Variants in STAC observed in about 807,000 individuals in gnomAD.
The protein encoded by STAC is SH3 and cysteine-rich domain-containing protein.
STAC carries 43 observed loss-of-function variants against 48.8 expected under a neutral mutation model. The observed-to-expected ratio is 0.88, with a 90% CI of 0.69 to 1.14. The LOEUF (loss-of-function observed/expected upper bound fraction) is 1.14. Among genes scored for constraint, STAC ranks in the 50% most tolerant of loss-of-function variants. STAC has a pLI of 0.00. For missense variants in STAC, 497 were observed against 504.0 expected, an observed-to-expected ratio of 0.99 and a Z score of 0.13; for synonymous variants, 193 against 179.5, an observed-to-expected ratio of 1.07 and a Z score of -0.60.
chr3:36,531,119 T>C (rs1325659790), intron 10 of STAC, among the ~76,000 whole-genome samples: 1 of 152,188 alleles, frequency 6.6e-6, no homozygotes, highest in Non-Finnish European at 1.5e-5. Flanking sequence ...ACTGGCACTT[T>C]CATAAATGCT....
At chr3:36,487,649 C>T (rs1697850060) in intron 5 of STAC, among the ~76,000 whole-genome samples, 2 of 151,962 alleles carry the variant, frequency 1.3e-5, no homozygotes, top group Non-Finnish European at 2.9e-5. Flanking sequence ...CATTGTTTAC[C>T]ATTTTTAAAA....
rs1179533187 is a variant in STAC, at chr3:36,505,802, T to C, written c.888T>C (p.Phe296=). ...ACACCTATGTTGCCTTGTACAAATT[T>C]GTACCACAGGAGAATGAAGATTTGG... is the stretch of plus-strand genomic sequence containing the variant. ...QMNTYVALYK[F]VPQENEDLEM... is the part of the protein sequence containing the mutation. The change falls in exon 8 of 11, where the codon TTT becomes TTC. Residue 296 remains phenylalanine, a synonymous_variant. Coordinates refer to ENST00000273183, the MANE Select transcript of STAC (RefSeq NM_003149.3). 1.9e-6 allele frequency: 3 copies of C among 1,608,664 alleles called. No individual in the cohort carries two copies. The highest frequency in any genetic ancestry group is 2.7e-5 in the African/African-American group (2 of 74,596).
intron 1 of STAC, among the ~76,000 whole-genome samples, chr3:36,415,758 C>G (rs76854612): frequency 6.6e-6 from 1 of 152,054 alleles, no homozygotes; most frequent in Non-Finnish European, 1.5e-5. Context: ...ATCTTGGAAC[C>G]GCCCTAGATA....
chr3:36,526,255 C>T (rs757616893), intron 8 of STAC, among the ~76,000 whole-genome samples: 1 of 152,096 alleles, frequency 6.6e-6, no homozygotes, highest in African/African-American at 2.4e-5. Context: ...ATTCACCCCC[C>T]CTCCCCATAT....
In STAC at chr3:36,505,905, G is replaced by T. The variant is rs549521996; in HGVS notation, c.920+71G>T. ...AGTATTTCTCCATGTGAAAAAGTAA[G>T]TCCATCTGTGCCCCTCCTAATGCTT... On this transcript the variant is annotated intron_variant, in intron 8 of 10. Coordinates refer to ENST00000273183, the MANE Select transcript of STAC (RefSeq NM_003149.3). 3.9e-5 allele frequency: 40 copies of T among 1,020,004 alleles called. No homozygotes were observed. In the South Asian group the frequency reaches 5.4e-4, roughly 14 times the overall value. The allele number at this position is 1,020,004 out of a possible 1,614,324, so 63.2% of individuals were successfully genotyped here.
chr3:36,478,638 G>A (rs1359785863), intron 2 of STAC, among the ~76,000 whole-genome samples: 1 of 152,156 alleles, frequency 6.6e-6, no homozygotes, highest in East Asian at 1.9e-4. Context: ...GGGACTACAG[G>A]CACACGTAAC....
At chr3:36,382,829 C>A (rs1048833086) in intron 1 of STAC, among the ~76,000 whole-genome samples, 22 of 152,162 alleles carry the variant, frequency 1.4e-4, no homozygotes, top group African/African-American at 5.1e-4. Context: ...TTACAAGGAT[C>A]TTTGACCCTG....
chr3:36,435,334 C>A (rs1261746433), intron 1 of STAC, among the ~76,000 whole-genome samples: 1 of 152,104 alleles, frequency 6.6e-6, no homozygotes, highest in African/African-American at 2.4e-5. Context: ...AAGCCACATC[C>A]AGCCAATACC....
intron 10 of STAC, among the ~76,000 whole-genome samples, chr3:36,534,525 T>C (rs573544855): frequency 3.1e-4 from 47 of 152,124 alleles, no homozygotes; most frequent in Admixed American, 1.3e-4. Flanking sequence ...GCAATGCACA[T>C]CTTTGATTAA....
chr3:36,443,358 T>C lies in STAC; in HGVS notation c.112-6T>C. 1 of 1,614,122 alleles carries C rather than the reference T, an allele frequency of 6.2e-7. No individual in the cohort carries two copies. Among genetic ancestry groups the C allele is most frequent in the African/African-American group, 1.3e-5 (1 of 75,058 alleles). On this transcript the variant is annotated splice_polypyrimidine_tract_variant and splice_region_variant and intron_variant, in intron 1 of 10. Transcript: ENST00000273183. The surrounding 1 kb of genome is among the most constrained non-coding windows in gnomAD (Gnocchi z 4.2). Reference sequence around the variant, plus strand: ...TAAGAGAGACTGTTCTGTCATTGCATTGCAGCTCCAGAAACTAAAACGATC... The same window carrying C: ...TAAGAGAGACTGTTCTGTCATTGCACTGCAGCTCCAGAAACTAAAACGATC...
intron 5 of STAC, among the ~76,000 whole-genome samples, chr3:36,492,031 A>AAAAAAATATATATATATATAT (rs1553639882): frequency 6.1e-5 from 1 of 16,438 alleles, no homozygotes; most frequent in Non-Finnish European, 1.2e-4. Context: ...AAAAAAAAAA[A>AAAAAAATATATATATATATAT]ATATATATAT....
At chr3:36,449,626 A>T (rs972465202) in intron 2 of STAC, among the ~76,000 whole-genome samples, 3 of 152,222 alleles carry the variant, frequency 2.0e-5, no homozygotes, top group African/African-American at 7.2e-5. Flanking sequence ...GCTGCCAAGT[A>T]CTGTGTATTT....
chr3:36,483,049 A>T lies in STAC; in HGVS notation c.446A>T (p.Lys149Met). 1 of 1,614,210 alleles carries T rather than the reference A, an allele frequency of 6.2e-7. No homozygotes were observed. ...CKACKMSIHHKCTDGLAPQRC... is the reference protein window; with the variant it reads ...CKACKMSIHHMCTDGLAPQRC... ...GCCTGTAAGATGAGCATCCACCACA[A>T]GTGCACAGATGGCCTGGCACCCCAG... The change falls in exon 3 of 11, where the codon AAG (lysine) becomes ATG (methionine). Residue 149 changes from lysine to methionine, a missense_variant. Lys to Met is a moderately conservative substitution (Grantham distance 95). Coordinates refer to ENST00000273183, the MANE Select transcript of STAC (RefSeq NM_003149.3).
chr3:36,476,923 G>GC (rs11401288), intron 2 of STAC, among the ~76,000 whole-genome samples: 18,047 of 152,168 alleles, frequency 0.12, 1,175 homozygotes, highest in Admixed American at 0.19. Context: ...TCCGAGCCAT[G>GC]CCCCTGTACT....
chr3:36,543,951 GTTTC>G (rs1460626896), intron 10 of STAC, among the ~76,000 whole-genome samples: 1 of 152,038 alleles, frequency 6.6e-6, no homozygotes, highest in African/African-American at 2.4e-5. Flanking sequence ...CATGGTTCAT[GTTTC>G]ACCTAGAACC....
At chr3:36,535,077 A>G (rs1314357214) in intron 10 of STAC, among the ~76,000 whole-genome samples, 1 of 152,140 alleles carries the variant, frequency 6.6e-6, no homozygotes, top group Non-Finnish European at 1.5e-5. Context: ...ATGGCCATTT[A>G]CATGATACTT....
intron 1 of STAC, among the ~76,000 whole-genome samples, chr3:36,428,646 A>G (rs910820582): frequency 1.3e-5 from 2 of 152,134 alleles, no homozygotes; most frequent in African/African-American, 4.8e-5. Context: ...AAGTGAGAAG[A>G]CCATGGGAAG....
intron 1 of STAC, among the ~76,000 whole-genome samples, chr3:36,412,980 C>G (rs1001163866): frequency 6.6e-6 from 1 of 152,068 alleles, no homozygotes; most frequent in Admixed American, 6.6e-5. Flanking sequence ...TGTAGTTGAG[C>G]AGTTTTGAGT....
chr3:36,405,665 C>G (rs545459983), intron 1 of STAC, among the ~76,000 whole-genome samples: 7 of 152,294 alleles, frequency 4.6e-5, no homozygotes, highest in Non-Finnish European at 1.0e-4. Context: ...CAACTGTGAA[C>G]TACTGAATCC....
Sources: allele counts gnomAD v4.1 joint callset (sites outside exome capture counted in the v4.1 genomes callset), GRCh38; gene constraint gnomAD v4.1.1; non-coding constraint Gnocchi (gnomAD v3.1); transcripts MANE v1.5; gene names NCBI Gene and HGNC (gene_info 2026-07-23, HGNC 2026-07-21).